LRP1B: variants seen among roughly 807,000 people sequenced by gnomAD.
LRP1B encodes LDL receptor related protein 1B, also known as low-density lipoprotein receptor-related protein 1B.
A neutral mutation model predicts 556.6 loss-of-function variants in LRP1B; 217 were observed. The ratio of observed to expected loss-of-function variants is 0.39; its 90% confidence interval spans 0.35 to 0.44. LRP1B has a LOEUF of 0.44. LRP1B is among the 20% of genes least tolerant of loss of function. The pLI, the probability that LRP1B is intolerant of heterozygous loss-of-function variation, is 1.00. For synonymous variants in LRP1B, 2,047 were observed against 1,865.8 expected, an observed-to-expected ratio of 1.10 and a Z score of -2.50; for missense variants, 5,053 against 5,620.8, an observed-to-expected ratio of 0.90 and a Z score of 3.23.
intron 34 of LRP1B, among the ~76,000 whole-genome samples, chr2:140,770,594 A>C (rs940251658): frequency 6.6e-6 from 1 of 152,004 alleles, no homozygotes; most frequent in Admixed American, 6.6e-5. Context: ...ATTTTTGCCT[A>C]TTCAGGTCGA....
Position 142,130,632 on chromosome 2 carries a change from G to C in LRP1B, c.82+16C>G. 5 of 1,600,002 alleles carry C rather than the reference G, an allele frequency of 3.1e-6. No individual in the cohort carries two copies. The highest frequency in any genetic ancestry group is 4.3e-6 in the Non-Finnish European group (5 of 1,170,938). On this transcript the variant is annotated intron_variant, in intron 1 of 90. Transcript: ENST00000389484. ...AAGGAAGTCAGGGGAGGGGAGCGGG[G>C]AGGTGTTCTCCTTACCTCGGTCGGC... is the stretch of plus-strand genomic sequence containing the variant.
chr2:141,103,479 G>T (rs1700517165), intron 7 of LRP1B, among the ~76,000 whole-genome samples: 1 of 145,784 alleles, frequency 6.9e-6, no homozygotes, highest in Admixed American at 6.9e-5. Context: ...TAATTAAATT[G>T]GGATATAAGT....
At chr2:141,376,292 T>C (rs952386378) in intron 3 of LRP1B, among the ~76,000 whole-genome samples, 2 of 152,200 alleles carry the variant, frequency 1.3e-5, no homozygotes, top group Non-Finnish European at 2.9e-5. Flanking sequence ...GTGTCTCCTA[T>C]AGCGAAGATC....
chr2:140,335,285 G>A (rs934709300), intron 78 of LRP1B, among the ~76,000 whole-genome samples: 1 of 151,568 alleles, frequency 6.6e-6, no homozygotes, highest in South Asian at 2.1e-4. Context: ...TTGATATTAC[G>A]TTTAATATTT....
intron 65 of LRP1B, among the ~76,000 whole-genome samples, chr2:140,443,704 G>A (rs541493954): frequency 9.2e-5 from 14 of 152,078 alleles, no homozygotes; most frequent in Non-Finnish European, 1.8e-4. Flanking sequence ...ATATGTATAT[G>A]GTATAAACAG....
At chr2:140,670,824 G>T (rs750859587) in intron 41 of LRP1B, among the ~76,000 whole-genome samples, 33 of 152,144 alleles carry the variant, frequency 2.2e-4, no homozygotes, top group Non-Finnish European at 3.8e-4. Flanking sequence ...TAAGGGGATC[G>T]AAAATGGCAG....
chr2:140,679,302 T>C (rs994798234), intron 41 of LRP1B, among the ~76,000 whole-genome samples: 1 of 152,204 alleles, frequency 6.6e-6, no homozygotes, highest in African/African-American at 2.4e-5. Flanking sequence ...CTTCAATATA[T>C]CAATTTAGAG....
At chr2:141,224,659 T>C (rs1683175616) in intron 6 of LRP1B, among the ~76,000 whole-genome samples, 1 of 152,124 alleles carries the variant, frequency 6.6e-6, no homozygotes. Context: ...CAGATTATTT[T>C]CTTTGCAGGG....
chr2:141,175,283 A>C (rs943825140), intron 7 of LRP1B, among the ~76,000 whole-genome samples: 1 of 152,154 alleles, frequency 6.6e-6, no homozygotes, highest in Non-Finnish European at 1.5e-5. Context: ...ACTTTGCATA[A>C]GTAAAGAGGA....
At chr2:140,708,668 T>C (rs1686927940) in intron 37 of LRP1B, among the ~76,000 whole-genome samples, 1 of 151,838 alleles carries the variant, frequency 6.6e-6, no homozygotes, top group African/African-American at 2.4e-5. Context: ...ATATATAATA[T>C]TAGCTTGTTT....
At chr2:140,464,385 A>C (rs556659165) in intron 60 of LRP1B, among the ~76,000 whole-genome samples, 1 of 152,128 alleles carries the variant, frequency 6.6e-6, no homozygotes, top group Admixed American at 6.6e-5. Flanking sequence ...TATTAGATTT[A>C]ACATCATTTA....
At chr2:140,665,726 A>G (rs913026092) in intron 41 of LRP1B, among the ~76,000 whole-genome samples, 38 of 152,290 alleles carry the variant, frequency 2.5e-4, no homozygotes, top group African/African-American at 8.7e-4. Flanking sequence ...CCTGAGAAGC[A>G]AGAAAACTGT....
At chr2:142,101,488 A>G (rs1049549529) in intron 1 of LRP1B, among the ~76,000 whole-genome samples, 9 of 152,018 alleles carry the variant, frequency 5.9e-5, no homozygotes, top group Non-Finnish European at 1.3e-4. Flanking sequence ...ACATATTCAG[A>G]TATAAAACAT....
At chr2:140,593,079 T>C (rs1238064891) in intron 43 of LRP1B, among the ~76,000 whole-genome samples, 1 of 152,242 alleles carries the variant, frequency 6.6e-6, no homozygotes, top group African/African-American at 2.4e-5. Flanking sequence ...CTTGCTCTCC[T>C]ATTCTTACTT....
rs1355356232 is a variant in LRP1B, at chr2:141,260,551, T to C, written c.344-5910A>G. The stretch of plus-strand genomic sequence containing the variant: ...ACCAATAGAGGTCTTTTTTCCTCAT[T>C]AGTTTTGTTTACATAAATAGCTCTA... On this transcript the variant is annotated intron_variant, in intron 3 of 90. Coordinates refer to ENST00000389484, the MANE Select transcript of LRP1B (RefSeq NM_018557.3). Among the ~76,000 whole-genome samples, 4 of 152,308 alleles carry C rather than the reference T, an allele frequency of 2.6e-5. No homozygotes were observed. In the East Asian group the frequency reaches 7.7e-4, roughly 29 times the overall value.
chr2:142,073,387 A>G (rs1220992405), intron 1 of LRP1B, among the ~76,000 whole-genome samples: 1 of 152,108 alleles, frequency 6.6e-6, no homozygotes, highest in Non-Finnish European at 1.5e-5. Context: ...CCTTTCATAC[A>G]GTAAAGGTCC....
chr2:141,772,210 G>A (rs1468854255), intron 2 of LRP1B, among the ~76,000 whole-genome samples: 1 of 152,086 alleles, frequency 6.6e-6, no homozygotes, highest in Non-Finnish European at 1.5e-5. Context: ...CCCGATCTTG[G>A]ACATCTCAGC....
chr2:140,265,027 T>C (rs916156664), intron 86 of LRP1B, among the ~76,000 whole-genome samples: 4 of 152,050 alleles, frequency 2.6e-5, no homozygotes, highest in African/African-American at 4.8e-5. Context: ...GGTAGGGTAA[T>C]TACATTTCTT....
intron 7 of LRP1B, among the ~76,000 whole-genome samples, chr2:141,073,572 C>T (rs1388459325): frequency 6.6e-6 from 1 of 152,106 alleles, no homozygotes; most frequent in Non-Finnish European, 1.5e-5. Flanking sequence ...TCTAGCCTGT[C>T]ATCCAAACTT....
Sources: gnomAD v4.1 joint callset for allele counts (sites outside exome capture counted in the v4.1 genomes callset) on GRCh38, gnomAD v4.1.1 for gene constraint, MANE v1.5 for transcripts, NCBI Gene and HGNC (gene_info 2026-07-23, HGNC 2026-07-21) for gene names.